PCDH9: variants seen among roughly 807,000 people sequenced by gnomAD.
PCDH9 encodes protocadherin 9, also known as protocadherin-9.
Under a neutral mutation model 70.6 loss-of-function variants are expected in PCDH9, and 24 were observed. The observed-to-expected ratio is 0.34, with a 90% CI of 0.25 to 0.48. The LOEUF is 0.48. Ranked by LOEUF, PCDH9 falls within the 20% of genes least tolerant of loss-of-function variation. The pLI, the probability that PCDH9 is intolerant of heterozygous loss-of-function variation, is 0.99. For synonymous variants in PCDH9, 562 were observed against 558.5 expected (o/e 1.01, Z -0.09); for missense variants, 1,281 against 1,503.6 (o/e 0.85, Z 2.45).
At chr13:66,505,893 C>T (rs1312051754) in intron 4 of PCDH9, among the ~76,000 whole-genome samples, 2 of 152,226 alleles carry the variant, frequency 1.3e-5, no homozygotes, top group Admixed American at 1.3e-4. Context: ...GCAATCCTCC[C>T]TCTTCAGCCT....
At chr13:66,373,774 A>G (rs1231414947) in intron 4 of PCDH9, among the ~76,000 whole-genome samples, 1 of 152,162 alleles carries the variant, frequency 6.6e-6, no homozygotes, top group Non-Finnish European at 1.5e-5. Flanking sequence ...CCTGTCAAAC[A>G]AAGGTTTTCA....
chr13:66,405,264 T>G (rs796970412), intron 4 of PCDH9, among the ~76,000 whole-genome samples: 11 of 152,304 alleles, frequency 7.2e-5, no homozygotes, highest in African/African-American at 2.6e-4. Flanking sequence ...ATATAAAAGA[T>G]TTAACCTAGC....
chr13:67,127,544 C>A (rs17589160), intron 2 of PCDH9, among the ~76,000 whole-genome samples: 28,621 of 151,550 alleles, frequency 0.19, 2,838 homozygotes, highest in Admixed American at 0.25. Context: ...TATGTGTATC[C>A]TTTTTTGCAC....
At chr13:66,500,497 T>G (rs545798933) in intron 4 of PCDH9, among the ~76,000 whole-genome samples, 5 of 152,234 alleles carry the variant, frequency 3.3e-5, no homozygotes, top group South Asian at 2.1e-4. Context: ...GGATAAGTTT[T>G]TTTGTTTGTT....
chr13:66,872,465 T>C (rs77029283), intron 3 of PCDH9, among the ~76,000 whole-genome samples: 2,504 of 152,190 alleles, frequency 0.016, 79 homozygotes, highest in African/African-American at 0.055. Flanking sequence ...TAGAGAAGCA[T>C]TAAGCATACA....
chr13:66,901,756 A>C (rs1279703028), intron 3 of PCDH9, among the ~76,000 whole-genome samples: 3 of 151,630 alleles, frequency 2.0e-5, no homozygotes, highest in Non-Finnish European at 3.0e-5. Flanking sequence ...ATTTATAGAA[A>C]ATTATTTGAA....
chr13:66,622,375 CG>C (rs903886419), intron 4 of PCDH9, among the ~76,000 whole-genome samples: 22 of 152,282 alleles, frequency 1.4e-4, no homozygotes, highest in African/African-American at 5.3e-4. Flanking sequence ...CCTGCAGCCC[CG>C]GTGCAGGAGC....
At chr13:66,930,674 A>G (rs2082792168) in intron 2 of PCDH9, among the ~76,000 whole-genome samples, 1 of 152,126 alleles carries the variant, frequency 6.6e-6, no homozygotes, top group Non-Finnish European at 1.5e-5. Context: ...AGGTGGAACC[A>G]AGTCTAGAGA....
intron 3 of PCDH9, among the ~76,000 whole-genome samples, chr13:66,749,149 G>A (rs1039418375): frequency 1.3e-5 from 2 of 151,982 alleles, no homozygotes; most frequent in Admixed American, 6.6e-5. Flanking sequence ...ACCCAGTTTC[G>A]GCCAGTTCTT....
At chr13:66,639,483 G>C (rs544382917) in intron 3 of PCDH9, among the ~76,000 whole-genome samples, 2 of 152,288 alleles carry the variant, frequency 1.3e-5, no homozygotes, top group Non-Finnish European at 2.9e-5. Flanking sequence ...ACTGTAATTT[G>C]ACATTTGTTT....
chr13:66,806,432 A>T (rs2080411400), intron 3 of PCDH9, among the ~76,000 whole-genome samples: 1 of 152,090 alleles, frequency 6.6e-6, no homozygotes, highest in Non-Finnish European at 1.5e-5. Context: ...TGTGAAATAG[A>T]CTATTGGTTA....
intron 2 of PCDH9, among the ~76,000 whole-genome samples, chr13:67,131,537 C>A (rs2087111399): frequency 1.3e-5 from 2 of 152,044 alleles, no homozygotes; most frequent in African/African-American, 2.4e-5. Flanking sequence ...TCTAACCTTA[C>A]AATTTGTTGC....
intron 2 of PCDH9, among the ~76,000 whole-genome samples, chr13:67,178,234 A>C (rs1167250307): frequency 6.6e-6 from 1 of 152,112 alleles, no homozygotes; most frequent in Non-Finnish European, 1.5e-5. Flanking sequence ...GGAAAAAGAT[A>C]CTATGAAAGT....
Position 67,227,904 on chromosome 13 carries a change from A to G in PCDH9, c.537T>C (p.Tyr179=), listed in dbSNP as rs1295815987. ...AAACACTCTGCCCATTTAACAATTC[A>G]TAATGCTGTACACCATTGAAGCCTG... is the stretch of plus-strand genomic sequence containing the variant. ...PDTGFNGVQH[Y]ELLNGQSVFG... The change falls in exon 2 of 5, where the codon TAT becomes TAC. Residue 179 remains tyrosine, a synonymous_variant. Transcript: ENST00000377865. The surrounding 1 kb of genome is among the most constrained non-coding windows in gnomAD (Gnocchi z 4.6). The G allele has an allele frequency of 6.2e-7, 1 of 1,614,148 alleles. No homozygotes were observed. Among genetic ancestry groups the G allele is most frequent in the Admixed American group, 1.7e-5 (1 of 60,032 alleles).
chr13:66,445,052 A>AAT (rs981724492), intron 4 of PCDH9, among the ~76,000 whole-genome samples: 1 of 147,396 alleles, frequency 6.8e-6, no homozygotes, highest in African/African-American at 2.5e-5. Flanking sequence ...CTATATATAT[A>AAT]ATATATATAT....
chr13:66,892,056 A>G (rs753767834), intron 3 of PCDH9, among the ~76,000 whole-genome samples: 1 of 151,676 alleles, frequency 6.6e-6, no homozygotes, highest in Non-Finnish European at 1.5e-5. Context: ...TAAAGTATCA[A>G]TTAAAGAATT....
chr13:67,090,439 A>G (rs763322680), intron 2 of PCDH9, among the ~76,000 whole-genome samples: 1 of 152,076 alleles, frequency 6.6e-6, no homozygotes, highest in Admixed American at 6.6e-5. Context: ...TTAAAAATAT[A>G]TTAGGAGGCA....
At chr13:66,510,592 T>C (rs1427641558) in intron 4 of PCDH9, among the ~76,000 whole-genome samples, 3 of 152,152 alleles carry the variant, frequency 2.0e-5, no homozygotes, top group Non-Finnish European at 4.4e-5. Context: ...TTCCCACCTA[T>C]GAGTGAGAAC....
intron 3 of PCDH9, among the ~76,000 whole-genome samples, chr13:66,855,205 C>T (rs374546291): frequency 6.6e-6 from 1 of 152,030 alleles, no homozygotes; most frequent in East Asian, 1.9e-4. Flanking sequence ...TGGATCATGT[C>T]CTTGTGATTC....
Sources: allele counts gnomAD v4.1 joint callset (sites outside exome capture counted in the v4.1 genomes callset), GRCh38; gene constraint gnomAD v4.1.1; non-coding constraint Gnocchi (gnomAD v3.1); transcripts MANE v1.5; gene names NCBI Gene and HGNC (gene_info 2026-07-23, HGNC 2026-07-21).